ADGRB3: variants seen among roughly 807,000 people sequenced by gnomAD.
ADGRB3 encodes adhesion G protein-coupled receptor B3.
ADGRB3 carries 37 observed loss-of-function variants against 193.4 expected under a neutral mutation model. The ratio of observed to expected loss-of-function variants is 0.19; its 90% CI spans 0.15 to 0.25. ADGRB3 has a LOEUF of 0.25. ADGRB3 is among the 10% of genes least tolerant of loss of function. The pLI, the probability that ADGRB3 is intolerant of heterozygous loss-of-function variation, is 1.00. For synonymous variants in ADGRB3, 690 were observed against 644.2 expected, an observed-to-expected ratio of 1.07 and a Z score of -1.08; for missense variants, 1,637 against 1,852.9, an observed-to-expected ratio of 0.88 and a Z score of 2.14.
At chr6:68,849,094 G>A (rs139596795) in intron 3 of ADGRB3, among the ~76,000 whole-genome samples, 22 of 151,936 alleles carry the variant, frequency 1.4e-4, no homozygotes, top group Middle Eastern at 6.8e-3. Context: ...TTGTTTATTC[G>A]GAAGGTTTTG....
chr6:68,651,009 C>A (rs1342248717), intron 3 of ADGRB3, among the ~76,000 whole-genome samples: 2 of 152,090 alleles, frequency 1.3e-5, no homozygotes, highest in Non-Finnish European at 2.9e-5. Flanking sequence ...AAAAAGAGGG[C>A]AACTTGGGAA....
At chr6:68,946,367 A>G (rs922831246) in intron 6 of ADGRB3, among the ~76,000 whole-genome samples, 1 of 152,154 alleles carries the variant, frequency 6.6e-6, no homozygotes, top group Admixed American at 6.6e-5. Context: ...GATGTAAGGC[A>G]CTGCTGAGAA....
chr6:68,804,232 G>T (rs1767362501), intron 3 of ADGRB3, among the ~76,000 whole-genome samples: 1 of 152,122 alleles, frequency 6.6e-6, no homozygotes, highest in Admixed American at 6.6e-5. Flanking sequence ...ATACCTTCGG[G>T]CCTTGGATTA....
chr6:69,203,637 C>T (rs541879538), intron 17 of ADGRB3, among the ~76,000 whole-genome samples: 23 of 152,218 alleles, frequency 1.5e-4, no homozygotes, highest in African/African-American at 5.3e-4. Context: ...CTGCCCTTTT[C>T]TGCAGCCACA....
chr6:68,954,842 G>A (rs896112343), intron 6 of ADGRB3, among the ~76,000 whole-genome samples: 3 of 151,750 alleles, frequency 2.0e-5, no homozygotes, highest in Admixed American at 1.3e-4. Flanking sequence ...CACCATACCC[G>A]GCTAATTTTT....
intron 20 of ADGRB3, among the ~76,000 whole-genome samples, chr6:69,278,401 C>T (rs1465501075): frequency 6.6e-6 from 1 of 152,164 alleles, no homozygotes; most frequent in African/African-American, 2.4e-5. Context: ...TGATGCGTAA[C>T]AGCAGTATAT....
intron 20 of ADGRB3, among the ~76,000 whole-genome samples, chr6:69,255,760 G>C (rs977546743): frequency 2.6e-5 from 4 of 152,132 alleles, no homozygotes; most frequent in Non-Finnish European, 4.4e-5. Flanking sequence ...TGGTGTTTTA[G>C]ACATGAAGTC....
At chr6:69,280,279 C>CA (rs1189176739) in intron 20 of ADGRB3, among the ~76,000 whole-genome samples, 1 of 152,172 alleles carries the variant, frequency 6.6e-6, no homozygotes, top group Non-Finnish European at 1.5e-5. Flanking sequence ...ATCATCCCCT[C>CA]ATCTCACGAG....
chr6:69,232,429 C>A, intron 17 of ADGRB3: 2 of 1,484,706 alleles, frequency 1.3e-6, no homozygotes, highest in Non-Finnish European at 8.9e-7. Context: ...TTTTAAATGG[C>A]TACACCAAAG....
chr6:69,036,904 A>G (rs1273958356), intron 13 of ADGRB3, among the ~76,000 whole-genome samples: 1 of 152,192 alleles, frequency 6.6e-6, no homozygotes, highest in Non-Finnish European at 1.5e-5. Context: ...CAAGTAAGAA[A>G]AAGTCATAAT....
chr6:69,357,361 A>G (rs1435455208), intron 28 of ADGRB3, among the ~76,000 whole-genome samples: 1 of 152,054 alleles, frequency 6.6e-6, no homozygotes, highest in Non-Finnish European at 1.5e-5. Context: ...CTTGAAAAAG[A>G]AATTTGTCCT....
chr6:68,803,478 G>T (rs974255578), intron 3 of ADGRB3, among the ~76,000 whole-genome samples: 21 of 151,814 alleles, frequency 1.4e-4, no homozygotes, highest in Admixed American at 1.1e-3. Context: ...ATATATCCAC[G>T]TCTTCACTCC....
chr6:69,294,574 A>G (rs893262114), intron 20 of ADGRB3, among the ~76,000 whole-genome samples: 2 of 152,104 alleles, frequency 1.3e-5, no homozygotes, highest in African/African-American at 4.8e-5. Context: ...CCCACATTGA[A>G]TCTTTTTCAC....
At chr6:69,276,019 T>C (rs1299447004) in intron 20 of ADGRB3, among the ~76,000 whole-genome samples, 1 of 152,202 alleles carries the variant, frequency 6.6e-6, no homozygotes, top group Non-Finnish European at 1.5e-5. Flanking sequence ...TTTACTAAGT[T>C]CTTTGGATGT....
intron 3 of ADGRB3, among the ~76,000 whole-genome samples, chr6:68,660,578 C>G (rs1376733059): frequency 6.6e-6 from 1 of 150,832 alleles, no homozygotes; most frequent in African/African-American, 2.4e-5. Context: ...ATTTTACTTC[C>G]ATATATCCAA....
intron 17 of ADGRB3, among the ~76,000 whole-genome samples, chr6:69,187,406 T>C (rs544588838): frequency 1.3e-5 from 2 of 152,264 alleles, no homozygotes; most frequent in East Asian, 3.9e-4. Context: ...AAAATTACAA[T>C]AGAACATCTG....
chr6:69,147,944 C>T (rs1297541130), intron 17 of ADGRB3, among the ~76,000 whole-genome samples: 1 of 152,016 alleles, frequency 6.6e-6, no homozygotes, highest in Non-Finnish European at 1.5e-5. Flanking sequence ...TTGTTTGATA[C>T]AACTACTCCT....
intron 20 of ADGRB3, among the ~76,000 whole-genome samples, chr6:69,288,271 C>G (rs1767593670): frequency 6.6e-6 from 1 of 152,152 alleles, no homozygotes; most frequent in Admixed American, 6.5e-5. Flanking sequence ...TTGTTCAACT[C>G]CCACTTATGA....
At chr6:69,172,729 T>A (rs911894466) in intron 17 of ADGRB3, among the ~76,000 whole-genome samples, 11 of 150,168 alleles carry the variant, frequency 7.3e-5, no homozygotes, top group African/African-American at 2.7e-4. Context: ...GACTTCTTGT[T>A]AGAGACAGAA....
Sources: allele counts gnomAD v4.1 joint callset (sites outside exome capture counted in the v4.1 genomes callset), GRCh38; gene constraint gnomAD v4.1.1; transcripts MANE v1.5; gene names NCBI Gene and HGNC (gene_info 2026-07-23, HGNC 2026-07-21).